Variants in MGAT5B observed in about 807,000 individuals in gnomAD.
The protein encoded by MGAT5B is alpha-1,6-mannosylglycoprotein 6-beta-N-acetylglucosaminyltransferase B.
In MGAT5B, 54 loss-of-function variants were observed where a neutral mutation model predicts 95.1. That is an observed-to-expected ratio of 0.57 (90% CI 0.46 to 0.71). The LOEUF (loss-of-function observed/expected upper bound fraction) is 0.71, where lower values mean the gene tolerates loss of function less well. Among genes scored for constraint, MGAT5B ranks in the 30% least tolerant of loss-of-function variants. The probability of loss-of-function intolerance (pLI) is 0.00; values close to 1 mark genes in which losing one functional copy is unlikely to be tolerated. For missense variants in MGAT5B, 935 were observed against 1,088.6 expected (o/e 0.86, Z 1.99); for synonymous variants, 464 against 451.0 (o/e 1.03, Z -0.36).
At chr17:76,875,963 C>G (rs892295100) in intron 2 of MGAT5B, among the ~76,000 whole-genome samples, 1 of 151,904 alleles carries the variant, frequency 6.6e-6, no homozygotes. Flanking sequence ...AACTGAAGTC[C>G]GGGAGAAGGA....
At position 76,895,727 on chromosome 17, in the gene MGAT5B, G is replaced by T. The variant is rs113766908; in HGVS notation, c.330-6828G>T. Among the ~76,000 whole-genome samples the T allele has an allele frequency of 6.0e-3, 920 of 152,204 alleles. 17 individuals are homozygous for T. Among genetic ancestry groups the T allele is most frequent in the African/African-American group, 0.021 (878 of 41,504 alleles). ...AGTATGACCTCATATAATCACTCAT[G>T]ACATCTGCAGTGACCCTGTTTTCAA... On this transcript the variant is annotated intron_variant, in intron 3 of 17. Transcript: ENST00000569840.
rs1247990875 is a variant in MGAT5B at position 76,918,512 on chromosome 17, G to C, written c.1026-6454G>C. 6.6e-6 allele frequency among the ~76,000 whole-genome samples: 1 copy of C among 152,256 alleles called. No individual in the cohort carries two copies. The highest frequency in any genetic ancestry group is 6.5e-5 in the Admixed American group (1 of 15,288). On this transcript the variant is annotated intron_variant, in intron 8 of 17. Coordinates refer to ENST00000569840, the MANE Select transcript of MGAT5B (RefSeq NM_001199172.2). The surrounding 1 kb of genome is among the most constrained non-coding windows in gnomAD (Gnocchi z 5.1). ...AGTCCATCCTGGGCAGGAAGAAAAT[G>C]CTGCAGGACGGTGTAATTCTTTCCT...
chr17:76,945,108 C>T (rs916393243), intron 15 of MGAT5B, among the ~76,000 whole-genome samples: 8 of 152,008 alleles, frequency 5.3e-5, no homozygotes, highest in African/African-American at 1.7e-4. Context: ...CACGGTGGCT[C>T]TGCACTGGGC....
intron 3 of MGAT5B, among the ~76,000 whole-genome samples, chr17:76,887,620 C>T (rs1419333501): frequency 1.4e-5 from 2 of 145,998 alleles, no homozygotes; most frequent in African/African-American, 5.1e-5. Context: ...GTGGTATGAT[C>T]TAGACTCACT....
intron 15 of MGAT5B, among the ~76,000 whole-genome samples, chr17:76,943,484 G>A (rs1308297456): frequency 1.3e-5 from 2 of 152,080 alleles, no homozygotes; most frequent in Non-Finnish European, 2.9e-5. Context: ...AGCCTATCCC[G>A]CACCTTCCCA....
At chr17:76,897,665 CTTTCTTTCTTTCTTTCT>C (rs1968117067) in intron 3 of MGAT5B, among the ~76,000 whole-genome samples, 3 of 51,182 alleles carry the variant, frequency 5.9e-5, no homozygotes, top group Admixed American at 2.1e-4. Flanking sequence ...AGGCCACTTT[CTTTCTTTCTTTCTTTCT>C]TTCTTTCTTT....
chr17:76,895,461 A>G (rs1168933095), intron 3 of MGAT5B, among the ~76,000 whole-genome samples: 1 of 152,152 alleles, frequency 6.6e-6, no homozygotes, highest in East Asian at 1.9e-4. Context: ...AAAGGTTGGG[A>G]ACCACTGGAT....
At chr17:76,919,627 C>T (rs555377185) in intron 8 of MGAT5B, among the ~76,000 whole-genome samples, 4 of 152,254 alleles carry the variant, frequency 2.6e-5, no homozygotes, top group Admixed American at 6.5e-5. Context: ...GATGGGGTTT[C>T]GCCATGTCAT....
rs973876164 is a variant in MGAT5B, at chr17:76,918,035, C to A, written c.1026-6931C>A. 6.6e-6 allele frequency among the ~76,000 whole-genome samples: 1 copy of A among 152,208 alleles called. No homozygotes were observed. Among genetic ancestry groups the A allele is most frequent in the Non-Finnish European group, 1.5e-5 (1 of 68,050 alleles). On this transcript the variant is annotated intron_variant, in intron 8 of 17. Transcript: ENST00000569840. This position sits in a 1 kb window ranked among gnomAD's most constrained non-coding sequence, Gnocchi z 5.1. Reference sequence around the variant, plus strand: ...GGTGAGTGTGTGGTCTCCTCCAGCTCTCCTGGGAGCATGGCCCTATTCTTA... The same window carrying A: ...GGTGAGTGTGTGGTCTCCTCCAGCTATCCTGGGAGCATGGCCCTATTCTTA...
intron 11 of MGAT5B, among the ~76,000 whole-genome samples, 191 bp downstream of exon 11, chr17:76,932,966 C>G (rs1969542408): frequency 6.6e-6 from 1 of 152,272 alleles, no homozygotes; most frequent in Non-Finnish European, 1.5e-5. Flanking sequence ...AGCCTAGGAG[C>G]TGACAGCTTG....
At chr17:76,901,860 A>T (rs1774096032) in intron 3 of MGAT5B, among the ~76,000 whole-genome samples, 1 of 152,272 alleles carries the variant, frequency 6.6e-6, no homozygotes, top group Admixed American at 6.5e-5. Context: ...GAACCTAGCC[A>T]GGCTCTTGAA....
Position 76,941,872 on chromosome 17 carries a change from A to C in MGAT5B, c.1848+1024A>C, listed in dbSNP as rs765532528. ...CACGGGGGCCTCTGCAAGATGGGGT[A>C]GGTCACATCCCAGAGCTGTCCTGCC... On this transcript the variant is annotated intron_variant, in intron 15 of 17. Transcript: ENST00000569840. Among the ~76,000 whole-genome samples the C allele has an allele frequency of 1.0e-3, 157 of 152,242 alleles. 6 individuals carry two copies. Among genetic ancestry groups the C allele is most frequent in the Non-Finnish European group, 4.6e-4 (31 of 68,044 alleles).
chr17:76,896,563 A>G (rs1968071365), intron 3 of MGAT5B, among the ~76,000 whole-genome samples: 1 of 152,206 alleles, frequency 6.6e-6, no homozygotes, highest in African/African-American at 2.4e-5. Context: ...TATGCTGAGT[A>G]CTTTGCATTT....
chr17:76,903,657 C>T lies in MGAT5B; in HGVS notation c.519+281C>T, dbSNP rs372570934. ...GGCCCTGGCTGCCCTGTCCCTGCTC[C>T]TCCTGGCCCAGCCAACAGCTGGACG... On this transcript the variant is annotated intron_variant, in intron 5 of 17. Transcript: ENST00000569840. Among the ~76,000 whole-genome samples the T allele has an allele frequency of 4.5e-4, 69 of 152,348 alleles. No homozygotes were observed. The South Asian group carries it at 0.011, about 25-fold the overall frequency.
rs1412641668 is a variant in MGAT5B at position 76,938,288 on chromosome 17, C to T, written c.1584+145C>T. The T allele has an allele frequency of 2.6e-6, 3 of 1,158,734 alleles. No individual in the cohort carries two copies. Among genetic ancestry groups the T allele is most frequent in the Non-Finnish European group, 3.6e-6 (3 of 829,446 alleles). 71.8% of individuals were successfully genotyped at this position (1,158,734 alleles called of 1,614,324 possible). A position where few individuals can be genotyped will look rare whatever the true frequency, so the allele number is the denominator to read the frequency against. On this transcript the variant is annotated intron_variant, in intron 13 of 17. Transcript: ENST00000569840. The surrounding 1 kb of genome is among the most constrained non-coding windows in gnomAD (Gnocchi z 4.3). ...TGCTGCCCTGAGCCCCACATCTGGC[C>T]AGAGCCCAGGGGCAGAGATGTGGGT... is the stretch of plus-strand genomic sequence containing the variant.
In MGAT5B at chr17:76,940,330, C is replaced by T. The variant is rs956014492; in HGVS notation, c.1585-72C>T. Reference sequence around the variant, plus strand: ...GAATATCCCGAAGCCTCACCTTGTCCCCGGCATCCTGGTGCTTACTGGGCT... The same window carrying T: ...GAATATCCCGAAGCCTCACCTTGTCTCCGGCATCCTGGTGCTTACTGGGCT... On this transcript the variant is annotated intron_variant, in intron 13 of 17. Coordinates refer to ENST00000569840, the MANE Select transcript of MGAT5B (RefSeq NM_001199172.2). The surrounding 1 kb of genome is among the most constrained non-coding windows in gnomAD (Gnocchi z 4.3). 2.0e-5 allele frequency: 30 copies of T among 1,482,010 alleles called. No homozygotes were observed. The highest frequency in any genetic ancestry group is 2.6e-5 in the Non-Finnish European group (29 of 1,114,006). The allele number at this position is 1,482,010 out of a possible 1,614,324, so 91.8% of individuals were successfully genotyped here. A position where few individuals can be genotyped will look rare whatever the true frequency, so the allele number is the denominator to read the frequency against.
intron 3 of MGAT5B, among the ~76,000 whole-genome samples, chr17:76,894,975 T>C (rs936228885): frequency 6.6e-6 from 1 of 152,124 alleles, no homozygotes; most frequent in African/African-American, 2.4e-5. Flanking sequence ...CCCCCTGGCA[T>C]GGACCGGTAC....
chr17:76,927,259 C>A (rs7222744), intron 10 of MGAT5B, among the ~76,000 whole-genome samples: 33,561 of 151,924 alleles, frequency 0.22, 3,759 homozygotes, highest in East Asian at 0.27. Flanking sequence ...TTTTTTGAGA[C>A]AGGATCTCGC....
chr17:76,924,952 G>A lies in MGAT5B; in HGVS notation c.1026-14G>A. The A allele has an allele frequency of 6.2e-7, 1 of 1,611,856 alleles. No individual in the cohort carries two copies. The highest frequency in any genetic ancestry group is 8.5e-7 in the Non-Finnish European group (1 of 1,179,378). On this transcript the variant is annotated splice_polypyrimidine_tract_variant and intron_variant, in intron 8 of 17. Transcript: ENST00000569840. ...GTTTCTTGGGGCCCAGAATCTGAAG[G>A]GCTCTTCTCTCAGTAACTTAGGGGT...
Sources: gnomAD v4.1 joint callset for allele counts (sites outside exome capture counted in the v4.1 genomes callset) on GRCh38, gnomAD v4.1.1 for gene constraint, Gnocchi (gnomAD v3.1) non-coding constraint, MANE v1.5 for transcripts, NCBI Gene and HGNC (gene_info 2026-07-23, HGNC 2026-07-21) for gene names.